Variants in UNC79 observed in about 807,000 individuals in gnomAD.
UNC79 encodes unc-79 subunit of NALCN channel complex.
Under a neutral mutation model 283.1 loss-of-function variants are expected in UNC79, and 37 were observed. The observed-to-expected ratio is 0.13, with a 90% CI of 0.10 to 0.17. UNC79 has a LOEUF of 0.17. Ranked by LOEUF, UNC79 falls within the 10% of genes least tolerant of loss-of-function variation. The pLI, the probability that UNC79 is intolerant of heterozygous loss-of-function variation, is 1.00. For synonymous variants in UNC79, 1,107 were observed against 1,200.2 expected, an observed-to-expected ratio of 0.92 and a Z score of 1.61; for missense variants, 2,272 against 3,211.1, an observed-to-expected ratio of 0.71 and a Z score of 7.07.
chr14:93,463,694 G>T (rs66470824), intron 1 of UNC79, among the ~76,000 whole-genome samples: 11,697 of 152,024 alleles, frequency 0.077, 507 homozygotes, highest in Middle Eastern at 0.14. Flanking sequence ...GTATCCACTC[G>T]CACCATAATC....
intron 1 of UNC79, among the ~76,000 whole-genome samples, chr14:93,448,053 A>C (rs2056517646): frequency 6.6e-6 from 1 of 151,914 alleles, no homozygotes; most frequent in Admixed American, 6.6e-5. Context: ...CTCTTTGGCC[A>C]TTATTTCTCA....
intron 16 of UNC79, among the ~76,000 whole-genome samples, chr14:93,574,283 C>T (rs1378928694): frequency 2.0e-5 from 3 of 152,172 alleles, no homozygotes; most frequent in Admixed American, 2.0e-4. Flanking sequence ...CAGAGTGCTG[C>T]AGCTGAAGAA....
chr14:93,370,569 G>C (rs779129983), intron 1 of UNC79, among the ~76,000 whole-genome samples: 2 of 152,144 alleles, frequency 1.3e-5, no homozygotes, highest in Non-Finnish European at 2.9e-5. Flanking sequence ...TCAGGAGATC[G>C]AGACCATCCT....
exon 18 of UNC79, chr14:93,578,060 G>T (rs370650244): frequency 1.1e-5 from 17 of 1,613,874 alleles, no homozygotes; most frequent in Non-Finnish European, 1.4e-5. Context: ...TTCTCCTGAA[G>T]CAGGTAGCTG....
intron 20 of UNC79, among the ~76,000 whole-genome samples, chr14:93,583,050 G>A (rs1472486372): frequency 2.6e-5 from 4 of 151,938 alleles, no homozygotes; most frequent in South Asian, 4.2e-4. Flanking sequence ...GGTCAGGCGC[G>A]GTGGCTCATA....
At chr14:93,603,496 CAG>C in intron 26 of UNC79, 78 bp downstream of exon 26, 1 of 1,500,328 alleles carries the variant, frequency 6.7e-7, no homozygotes, top group Non-Finnish European at 9.0e-7. Context: ...TGAATGTTCA[CAG>C]AGAGTATAGC....
At chr14:93,493,619 T>C (rs1347333239) in intron 5 of UNC79, among the ~76,000 whole-genome samples, 1 of 151,952 alleles carries the variant, frequency 6.6e-6, no homozygotes, top group African/African-American at 2.4e-5. Flanking sequence ...CTAGAGTGGG[T>C]TTCTGGATGC....
At chr14:93,521,195 A>G (rs770717978) in intron 7 of UNC79, among the ~76,000 whole-genome samples, 3 of 151,978 alleles carry the variant, frequency 2.0e-5, no homozygotes, top group Non-Finnish European at 4.4e-5. Flanking sequence ...TGCTCCAAGT[A>G]TTTAGTGATT....
chr14:93,612,870 A>C lies in UNC79; in HGVS notation c.3828A>C (p.Thr1276=), dbSNP rs754580139. Residue 1276 remains threonine (T), a synonymous_variant, in exon 27 of 49, where the codon ACA becomes ACC. Transcript: ENST00000555664. ...AAGACGCTGGGATCGACCACCAGAC[A>C]GTTCACCAGCTGATTACAGTGCTCA... 4 of 1,614,144 alleles carry C rather than the reference A, an allele frequency of 2.5e-6. No individual in the cohort carries two copies. In the East Asian group the frequency reaches 8.9e-5, roughly 36 times the overall value.
At chr14:93,603,408 C>T (rs752630613) in exon 26 of UNC79, 2 of 1,613,612 alleles carry the variant, frequency 1.2e-6, no homozygotes, top group South Asian at 1.1e-5. Context: ...AGACCCTGAC[C>T]TCCAAAATTC....
intron 1 of UNC79, among the ~76,000 whole-genome samples, chr14:93,409,499 T>C (rs2055291975): frequency 6.6e-6 from 1 of 152,134 alleles, no homozygotes; most frequent in Admixed American, 6.5e-5. Context: ...GAGACCAGCC[T>C]GGACAACATA....
At chr14:93,349,248 T>C (rs2053934649) in intron 1 of UNC79, among the ~76,000 whole-genome samples, 1 of 152,152 alleles carries the variant, frequency 6.6e-6, no homozygotes, top group South Asian at 2.1e-4. Flanking sequence ...AATAAGTGAT[T>C]AACAGCAGAT....
In UNC79 at chr14:93,540,676, G is replaced by C. The variant is rs139796738; in HGVS notation, c.1369G>C (p.Glu457Gln). 1.1e-4 allele frequency: 173 copies of C among 1,612,302 alleles called. 1 individual carries two copies. In the Admixed American group the frequency reaches 2.9e-3, roughly 27 times the overall value. The change falls in exon 13 of 49, where the codon GAG becomes CAG. Residue 457 changes from glutamate to glutamine, a missense_variant. This residue lies in a region of UNC79 where 142 missense variants were observed against 230.7 expected (regional missense o/e 0.62). Coordinates refer to ENST00000555664, the Ensembl canonical transcript of UNC79. ...CTTTGGCAGCTTGTTGAAAGAAGCC[G>C]AGTTCCATGCTGAGCAGCGAGAACA...
chr14:93,470,255 G>A (rs112812046), intron 2 of UNC79, among the ~76,000 whole-genome samples: 1,866 of 152,182 alleles, frequency 0.012, 31 homozygotes, highest in African/African-American at 0.039. Context: ...GCAATAGTTC[G>A]TGGTATTTGT....
At chr14:93,432,862 C>T (rs1189766983) in intron 1 of UNC79, among the ~76,000 whole-genome samples, 1 of 152,198 alleles carries the variant, frequency 6.6e-6, no homozygotes, top group Admixed American at 6.5e-5. Context: ...CAGGCTAAAG[C>T]CAGTGAGTAT....
At chr14:93,357,169 C>T (rs1233244760) in intron 1 of UNC79, among the ~76,000 whole-genome samples, 1 of 152,164 alleles carries the variant, frequency 6.6e-6, no homozygotes, top group African/African-American at 2.4e-5. Context: ...AGGACGATGG[C>T]CTCCAGCTCT....
chr14:93,573,222 T>C (rs1044254615), intron 16 of UNC79, among the ~76,000 whole-genome samples: 3 of 152,220 alleles, frequency 2.0e-5, no homozygotes, highest in Admixed American at 2.0e-4. Flanking sequence ...CTTCCTTTCC[T>C]GTCTCTATTT....
chr14:93,595,182 C>A (rs746600108), intron 23 of UNC79, among the ~76,000 whole-genome samples: 4 of 151,584 alleles, frequency 2.6e-5, no homozygotes, highest in Non-Finnish European at 5.9e-5. Flanking sequence ...CTCTGCCTCC[C>A]GGGTTTAAGC....
intron 30 of UNC79, among the ~76,000 whole-genome samples, chr14:93,626,786 A>G (rs1281127759): frequency 6.6e-6 from 1 of 152,206 alleles, no homozygotes; most frequent in Non-Finnish European, 1.5e-5. Context: ...AGTTTGGAAG[A>G]GACAAACATT....
Sources: gnomAD v4.1 joint callset for allele counts (sites outside exome capture counted in the v4.1 genomes callset) on GRCh38, gnomAD v4.1.1 for gene constraint, gnomAD v4.1.1 regional missense constraint, MANE v1.5 for transcripts, NCBI Gene and HGNC (gene_info 2026-07-23, HGNC 2026-07-21) for gene names.